Variants in RANBP2 observed in about 807,000 individuals in gnomAD.
RANBP2 encodes RAN binding protein 2.
Under a neutral mutation model 303.6 loss-of-function variants are expected in RANBP2, and 57 were observed. That is an observed-to-expected ratio of 0.19 (90% CI 0.15 to 0.23). The LOEUF (loss-of-function observed/expected upper bound fraction) is 0.23, where lower values mean the gene tolerates loss of function less well. RANBP2 is among the 10% of genes least tolerant of loss of function. The pLI is 1.00. For synonymous variants in RANBP2, 1,167 were observed against 1,301.5 expected (o/e 0.90, Z 2.23); for missense variants, 3,138 against 3,780.8 (o/e 0.83, Z 4.46).
the RANBP2 span, among the ~76,000 whole-genome samples, chr2:109,385,006 C>T: frequency 1.3e-5 from 2 of 152,244 alleles, no homozygotes; most frequent in African/African-American, 4.8e-5. Flanking sequence ...CCTGTGGGTC[C>T]ACCCAGCCTC....
At chr2:109,234,980 C>G in the RANBP2 span, among the ~76,000 whole-genome samples, 1 of 152,200 alleles carries the variant, frequency 6.6e-6, no homozygotes, top group African/African-American at 2.4e-5. Context: ...CAGATCCCAA[C>G]GTTTGACTAT....
At chr2:109,551,001 T>C in the RANBP2 span, among the ~76,000 whole-genome samples, 2 of 152,226 alleles carry the variant, frequency 1.3e-5, no homozygotes, top group Non-Finnish European at 2.9e-5. Context: ...ACCTGAGGGA[T>C]AAATATAAAC....
the RANBP2 span, among the ~76,000 whole-genome samples, chr2:109,220,952 A>C: frequency 8.9e-3 from 1,353 of 152,362 alleles, 19 homozygotes; most frequent in African/African-American, 0.031. Context: ...CCGGGACTGA[A>C]ACAGATATGT....
the RANBP2 span, among the ~76,000 whole-genome samples, chr2:108,874,167 AAAGAT>A: frequency 1.3e-5 from 2 of 152,172 alleles, no homozygotes; most frequent in African/African-American, 4.8e-5. Context: ...GTGAAAATAA[AAAGAT>A]AAAAGTATTT....
the RANBP2 span, among the ~76,000 whole-genome samples, chr2:109,146,259 G>A: frequency 3.3e-5 from 5 of 152,160 alleles, no homozygotes; most frequent in Non-Finnish European, 2.9e-5. Flanking sequence ...GCCAGATTAA[G>A]GGTCAGGCAA....
At position 108,764,121 on chromosome 2, in the gene RANBP2, C is replaced by A. The variant is rs201567166; in HGVS notation, c.3582C>A (p.Phe1194Leu). 51 of 1,614,044 alleles carry A rather than the reference C, an allele frequency of 3.2e-5. No individual in the cohort carries two copies. In the East Asian group the frequency reaches 6.2e-4, roughly 20 times the overall value. The stretch of plus-strand genomic sequence containing the variant: ...CTGGTGAGGAAGATGAAGAAGAATT[C>A]TTTTGCAACCGCGCGAAATTGTTTC... ...VKTGEEDEEE[F>L]FCNRAKLFRF... Residue 1194 changes from phenylalanine to leucine, a missense_variant, in exon 20 of 29, where the codon TTC becomes TTA. Transcript: ENST00000283195.
chr2:109,747,646 G>T, the RANBP2 span, among the ~76,000 whole-genome samples: 1 of 150,858 alleles, frequency 6.6e-6, no homozygotes, highest in Non-Finnish European at 1.5e-5. Context: ...TACTCCGGAG[G>T]CTGAGGCAGG....
chr2:109,627,888 A>G, the RANBP2 span, among the ~76,000 whole-genome samples: 2 of 152,216 alleles, frequency 1.3e-5, no homozygotes, highest in African/African-American at 4.8e-5. Context: ...TATCCCTTCA[A>G]CAGTTGATAA....
chr2:109,283,759 G>A, the RANBP2 span, among the ~76,000 whole-genome samples: 1 of 152,226 alleles, frequency 6.6e-6, no homozygotes, highest in Admixed American at 6.5e-5. Context: ...CTACGTGCTG[G>A]ATTTGGGATT....
chr2:109,675,868 C>T, the RANBP2 span, among the ~76,000 whole-genome samples: 1 of 152,182 alleles, frequency 6.6e-6, no homozygotes, highest in African/African-American at 2.4e-5. Flanking sequence ...CCTGTCCCCA[C>T]CCCAGGGTGT....
At chr2:109,372,335 G>T in the RANBP2 span, among the ~76,000 whole-genome samples, 2 of 152,230 alleles carry the variant, frequency 1.3e-5, no homozygotes, top group African/African-American at 4.8e-5. Flanking sequence ...GCCTGGGGCT[G>T]TGTGTGTATG....
the RANBP2 span, chr2:109,544,854 A>C: frequency 2.5e-6 from 2 of 801,454 alleles, no homozygotes; most frequent in Non-Finnish European, 3.0e-6. Context: ...TATATCAATG[A>C]ACAAGATAAA....
At chr2:108,772,623 T>C (rs368498525) in intron 22 of RANBP2, 42 bp downstream of exon 22, 70 of 1,543,954 alleles carry the variant, frequency 4.5e-5, no homozygotes, top group Non-Finnish European at 6.0e-5. Flanking sequence ...TTTTAACAAG[T>C]CTTCTATTTA....
chr2:108,833,694 G>T, the RANBP2 span, among the ~76,000 whole-genome samples: 5 of 148,662 alleles, frequency 3.4e-5, no homozygotes, highest in African/African-American at 9.9e-5. Context: ...AAATTTTTTT[G>T]TTGACAAAAT....
the RANBP2 span, among the ~76,000 whole-genome samples, chr2:109,593,942 TTACAA>T: frequency 4.6e-5 from 7 of 152,218 alleles, no homozygotes; most frequent in Admixed American, 2.6e-4. Context: ...TATTTAATCC[TTACAA>T]TACATCTGAG....
chr2:109,113,634 C>G, the RANBP2 span, among the ~76,000 whole-genome samples: 2 of 152,234 alleles, frequency 1.3e-5, no homozygotes, highest in South Asian at 4.1e-4. Flanking sequence ...ATTTCCTTCT[C>G]CTGACTAATT....
chr2:108,858,007 G>A, the RANBP2 span, among the ~76,000 whole-genome samples: 1 of 152,150 alleles, frequency 6.6e-6, no homozygotes, highest in African/African-American at 2.4e-5. Context: ...TATTAGAGGA[G>A]ATAGTCAACA....
chr2:109,263,721 C>T, the RANBP2 span, among the ~76,000 whole-genome samples: 2 of 152,190 alleles, frequency 1.3e-5, no homozygotes, highest in Admixed American at 6.5e-5. Flanking sequence ...AATCCCAGCA[C>T]TTTGGGAGGC....
chr2:109,337,818 G>A, the RANBP2 span, among the ~76,000 whole-genome samples: 251 of 151,914 alleles, frequency 1.7e-3, no homozygotes, highest in African/African-American at 5.5e-3. Flanking sequence ...GCCTCAACCT[G>A]CTGGGCTCAA....
Sources: gnomAD v4.1 joint callset for allele counts (sites outside exome capture counted in the v4.1 genomes callset) on GRCh38, gnomAD v4.1.1 for gene constraint, MANE v1.5 for transcripts, NCBI Gene and HGNC (gene_info 2026-07-23, HGNC 2026-07-21) for gene names.